The following PDE4D variants were observed in gnomAD, a reference collection of about 807,000 sequenced individuals.
PDE4D encodes phosphodiesterase 4D.
A neutral mutation model predicts 87.4 loss-of-function variants in PDE4D; 24 were observed. The ratio of observed to expected loss-of-function variants is 0.27; its 90% CI spans 0.20 to 0.39. The LOEUF (loss-of-function observed/expected upper bound fraction) is 0.39, where lower values mean the gene tolerates loss of function less well. Ranked by LOEUF, PDE4D falls within the 10% of genes least tolerant of loss-of-function variation. The pLI is 1.00. For missense variants in PDE4D, 714 were observed against 1,041.0 expected, an observed-to-expected ratio of 0.69 and a Z score of 4.32; for synonymous variants, 384 against 383.2, an observed-to-expected ratio of 1.00 and a Z score of -0.02.
At chr5:60,259,942 C>T (rs529139922) in intron 1 of PDE4D, among the ~76,000 whole-genome samples, 1 of 151,380 alleles carries the variant, frequency 6.6e-6, no homozygotes, top group South Asian at 2.1e-4. Flanking sequence ...GTTAGCGGCA[C>T]TAAAGCATTA....
At chr5:59,211,132 T>A (rs1749984251) in intron 2 of PDE4D, among the ~76,000 whole-genome samples, 1 of 152,216 alleles carries the variant, frequency 6.6e-6, no homozygotes, top group African/African-American at 2.4e-5. Context: ...GTTTCTACTG[T>A]TATAAAAAAT....
intron 1 of PDE4D, chr5:59,275,574 G>A: frequency 7.2e-7 from 1 of 1,388,376 alleles, no homozygotes; most frequent in East Asian, 2.6e-5. Flanking sequence ...CATGGGCAAG[G>A]TTCTAACACG....
chr5:59,517,491 G>A (rs1203786025), intron 1 of PDE4D, among the ~76,000 whole-genome samples: 3 of 152,132 alleles, frequency 2.0e-5, no homozygotes, highest in African/African-American at 7.2e-5. Flanking sequence ...TTGGGCCACA[G>A]CTTCCTTATA....
At chr5:60,443,870 G>A (rs961750007) in intron 1 of PDE4D, among the ~76,000 whole-genome samples, 4 of 151,998 alleles carry the variant, frequency 2.6e-5, no homozygotes, top group Non-Finnish European at 5.9e-5. Context: ...ACATCCACTG[G>A]GTGCTAGAAT....
At chr5:59,053,725 G>GTGGGC (rs1490154335) in intron 5 of PDE4D, among the ~76,000 whole-genome samples, 3 of 144,912 alleles carry the variant, frequency 2.1e-5, no homozygotes, top group Non-Finnish European at 3.0e-5. Flanking sequence ...GGAAGTCGAG[G>GTGGGC]TGGGCAGATG....
chr5:60,466,596 A>C (rs770337197), intron 1 of PDE4D, among the ~76,000 whole-genome samples: 2 of 152,176 alleles, frequency 1.3e-5, no homozygotes, highest in Non-Finnish European at 2.9e-5. Flanking sequence ...CAAGAGAGAA[A>C]TTTTGTATTG....
chr5:58,992,125 A>G (rs1748054636), intron 7 of PDE4D, 121 bp from the exon 8 acceptor site: 1 of 667,118 alleles, frequency 1.5e-6, no homozygotes, highest in African/African-American at 1.9e-5. Context: ...CCAACTAAAA[A>G]GTTTCCTTTT....
intron 3 of PDE4D, among the ~76,000 whole-genome samples, chr5:59,938,081 A>T (rs1446155069): frequency 6.6e-6 from 1 of 152,242 alleles, no homozygotes; most frequent in African/African-American, 2.4e-5. Flanking sequence ...TTCCAAAACC[A>T]GTACAACTAA....
At chr5:60,035,304 G>A (rs866621555) in intron 2 of PDE4D, among the ~76,000 whole-genome samples, 2 of 150,916 alleles carry the variant, frequency 1.3e-5, no homozygotes, top group Non-Finnish European at 2.9e-5. Flanking sequence ...AAATATCAAT[G>A]TTGAGAATAG....
At chr5:60,383,147 G>A (rs1318960197) in intron 1 of PDE4D, among the ~76,000 whole-genome samples, 2 of 152,038 alleles carry the variant, frequency 1.3e-5, no homozygotes, top group Admixed American at 1.3e-4. Context: ...GAATAATTAG[G>A]TGGGCTGTTT....
chr5:60,228,728 A>C (rs1377935814), intron 1 of PDE4D, among the ~76,000 whole-genome samples: 1 of 152,118 alleles, frequency 6.6e-6, no homozygotes, highest in African/African-American at 2.4e-5. Context: ...AAAAACAAAA[A>C]ACAAAAAACA....
At chr5:59,434,857 A>C (rs903096677) in intron 1 of PDE4D, among the ~76,000 whole-genome samples, 1 of 152,176 alleles carries the variant, frequency 6.6e-6, no homozygotes, top group Admixed American at 6.6e-5. Flanking sequence ...TTAATAGTCA[A>C]TAGATAATAG....
rs1026670172 is a variant in PDE4D, at chr5:60,234,938, C to T, written c.-89-49251G>A. 3.3e-5 allele frequency among the ~76,000 whole-genome samples: 5 copies of T among 151,874 alleles called. No homozygotes were observed. In the East Asian group the frequency reaches 5.8e-4, roughly 18 times the overall value. ...AAGTAAACAAAGAAGACGAAATTGA[C>T]GTCCTGTTGCTAATTTCTTGCTCTA... On this transcript the variant is annotated intron_variant, in intron 1 of 16. Coordinates refer to the PDE4D transcript ENST00000502484.
chr5:59,414,656 C>T (rs1319593231), intron 1 of PDE4D, among the ~76,000 whole-genome samples: 1 of 152,196 alleles, frequency 6.6e-6, no homozygotes, highest in Non-Finnish European at 1.5e-5. Context: ...CTAGCTCATA[C>T]AGAAAATGAG....
At chr5:59,584,891 G>A (rs150330048) in intron 1 of PDE4D, among the ~76,000 whole-genome samples, 294 of 152,250 alleles carry the variant, frequency 1.9e-3, no homozygotes, top group African/African-American at 6.4e-3. Flanking sequence ...TGCCTACTAC[G>A]TGCCAGGAAC....
chr5:59,691,228 C>T (rs898775956), intron 1 of PDE4D, among the ~76,000 whole-genome samples: 1 of 152,146 alleles, frequency 6.6e-6, no homozygotes, highest in Non-Finnish European at 1.5e-5. Flanking sequence ...TGGGTATATA[C>T]CCAAAGGATT....
chr5:59,517,338 T>G (rs1194277018), intron 1 of PDE4D, among the ~76,000 whole-genome samples: 2 of 152,192 alleles, frequency 1.3e-5, no homozygotes, highest in Non-Finnish European at 2.9e-5. Flanking sequence ...TAATGTAAAT[T>G]ATAAGAAATG....
At chr5:59,701,344 A>T (rs1348653520) in intron 1 of PDE4D, among the ~76,000 whole-genome samples, 1 of 152,134 alleles carries the variant, frequency 6.6e-6, no homozygotes, top group Non-Finnish European at 1.5e-5. Context: ...CTACGTAAAT[A>T]TTTGCTTCCC....
chr5:59,159,324 G>T (rs922530215), intron 5 of PDE4D, among the ~76,000 whole-genome samples: 1 of 151,220 alleles, frequency 6.6e-6, no homozygotes, highest in African/African-American at 2.4e-5. Flanking sequence ...GTAGAGAAAA[G>T]GTTTCATCAT....
Sources: allele counts gnomAD v4.1 joint callset (sites outside exome capture counted in the v4.1 genomes callset), GRCh38; gene constraint gnomAD v4.1.1; transcripts MANE v1.5; gene names NCBI Gene and HGNC (gene_info 2026-07-23, HGNC 2026-07-21).